The following SLC24A2 variants were observed in gnomAD, a reference collection of about 807,000 sequenced individuals.
SLC24A2 encodes sodium/potassium/calcium exchanger 2.
Under a neutral mutation model 62.0 loss-of-function variants are expected in SLC24A2, and 36 were observed. The ratio of observed to expected loss-of-function variants is 0.58; its 90% CI spans 0.44 to 0.77. SLC24A2 has a LOEUF of 0.77. Among genes scored for constraint, SLC24A2 ranks in the 30% least tolerant of loss-of-function variants. The probability of loss-of-function intolerance (pLI) is 0.00; values close to 1 mark genes in which losing one functional copy is unlikely to be tolerated. For missense variants in SLC24A2, 846 were observed against 817.9 expected (o/e 1.03, Z -0.42); for synonymous variants, 358 against 294.0 (o/e 1.22, Z -2.23).
the SLC24A2 span, among the ~76,000 whole-genome samples, chr9:20,076,839 G>GATATATATATACATATCATATGTATATAT: frequency 2.1e-5 from 3 of 142,550 alleles, no homozygotes; most frequent in Non-Finnish European, 3.0e-5. Flanking sequence ...AAGAAAATGT[G>GATATATATATACATATCATATGTATATAT]ATATATATAT....
At chr9:19,641,732 T>C (rs942159393) in intron 2 of SLC24A2, among the ~76,000 whole-genome samples, 4 of 152,160 alleles carry the variant, frequency 2.6e-5, no homozygotes, top group African/African-American at 9.6e-5. Context: ...ATACTTAACA[T>C]ATATGTGTTT....
Position 19,510,743 on chromosome 9 carries a change from G to T in SLC24A2, c.*5410C>A, listed in dbSNP as rs1220744486. 1 of 152,194 alleles carries T rather than the reference G, an allele frequency of 6.6e-6. No homozygotes were observed. The highest frequency in any genetic ancestry group is 1.5e-5 in the Non-Finnish European group (1 of 68,036). The allele number at this position is 152,194 out of a possible 1,614,324, so 9.4% of individuals were successfully genotyped here. On this transcript the variant is annotated 3_prime_UTR_variant, in exon 11 of 11. Transcript: ENST00000341998. ...TTCCAGTCTGTCAATGAATGATCTG[G>T]TAGAAGTGCTTTGGCTTAGATAATA...
the SLC24A2 span, among the ~76,000 whole-genome samples, chr9:19,835,604 T>C: frequency 6.6e-6 from 1 of 152,176 alleles, no homozygotes. Flanking sequence ...CAAAGAGACT[T>C]AGACTCCCAT....
chr9:20,096,085 A>ATCCGTCCG, the SLC24A2 span, among the ~76,000 whole-genome samples: 16 of 140,484 alleles, frequency 1.1e-4, no homozygotes, highest in East Asian at 3.9e-4. Context: ...CCATCCATCC[A>ATCCGTCCG]TCCGTCCGTC....
chr9:19,514,306 T>C lies in SLC24A2; in HGVS notation c.*1847A>G, dbSNP rs541947731. On this transcript the variant is annotated 3_prime_UTR_variant, in exon 11 of 11. Transcript: ENST00000341998. Reference sequence around the variant, plus strand: ...GAGGTATGTGCTCACAACAAAATCATAGCAGGCGTCAATGACAGAATAGAT... The same window carrying C: ...GAGGTATGTGCTCACAACAAAATCACAGCAGGCGTCAATGACAGAATAGAT... 1 of 152,294 alleles carries C rather than the reference T, an allele frequency of 6.6e-6. No individual in the cohort carries two copies. The highest frequency in any genetic ancestry group is 1.9e-4 in the East Asian group (1 of 5,182). 9.4% of individuals were successfully genotyped at this position (152,294 alleles called of 1,614,324 possible). A position where few individuals can be genotyped will look rare whatever the true frequency, so the allele number is the denominator to read the frequency against.
At chr9:19,547,058 C>A (rs1834615038) in intron 8 of SLC24A2, among the ~76,000 whole-genome samples, 2 of 151,874 alleles carry the variant, frequency 1.3e-5, no homozygotes, top group Non-Finnish European at 2.9e-5. Context: ...CATACTGGAG[C>A]TGTTCCTATT....
At chr9:19,883,076 G>C in the SLC24A2 span, among the ~76,000 whole-genome samples, 1 of 152,142 alleles carries the variant, frequency 6.6e-6, no homozygotes, top group South Asian at 2.1e-4. Flanking sequence ...TTAAACATTT[G>C]TGACTTAGAA....
At chr9:19,883,793 C>T in the SLC24A2 span, among the ~76,000 whole-genome samples, 1 of 152,128 alleles carries the variant, frequency 6.6e-6, no homozygotes, top group Non-Finnish European at 1.5e-5. Flanking sequence ...TCTTGATCTC[C>T]TGACCTCGTG....
At chr9:19,754,283 CT>C (rs1270153931) in intron 2 of SLC24A2, among the ~76,000 whole-genome samples, 5 of 152,176 alleles carry the variant, frequency 3.3e-5, no homozygotes, top group Non-Finnish European at 7.4e-5. Flanking sequence ...CAGTCTCTTC[CT>C]GAAGCCACCC....
chr9:20,238,255 T>C, the SLC24A2 span, among the ~76,000 whole-genome samples: 3 of 152,218 alleles, frequency 2.0e-5, no homozygotes, highest in Admixed American at 1.3e-4. Context: ...TTTCACATGT[T>C]ATGAATTTTA....
At chr9:19,877,106 C>T in the SLC24A2 span, among the ~76,000 whole-genome samples, 6 of 151,628 alleles carry the variant, frequency 4.0e-5, no homozygotes, top group Non-Finnish European at 7.4e-5. Flanking sequence ...ACGCCATTGT[C>T]TGAAAGAAGG....
the SLC24A2 span, among the ~76,000 whole-genome samples, chr9:20,295,869 C>T: frequency 7.4e-4 from 113 of 152,298 alleles, no homozygotes; most frequent in African/African-American, 2.6e-3. Context: ...GCCTCCATAA[C>T]TGCGTGAGAC....
intron 2 of SLC24A2, among the ~76,000 whole-genome samples, chr9:19,741,657 C>A (rs1203573767): frequency 1.3e-5 from 2 of 152,166 alleles, no homozygotes; most frequent in East Asian, 3.9e-4. Flanking sequence ...ACCTAGTTAA[C>A]AATTCATGTT....
At chr9:19,837,739 T>C in the SLC24A2 span, among the ~76,000 whole-genome samples, 1 of 152,124 alleles carries the variant, frequency 6.6e-6, no homozygotes, top group South Asian at 2.1e-4. Context: ...ACAAAATCAA[T>C]GTGCAAAAAT....
chr9:19,810,450 C>T, the SLC24A2 span, among the ~76,000 whole-genome samples: 1 of 152,208 alleles, frequency 6.6e-6, no homozygotes, highest in Admixed American at 6.5e-5. Flanking sequence ...TTAAGCCAAA[C>T]AGTTCGAGAC....
At chr9:19,778,604 T>C (rs1822915179) in intron 2 of SLC24A2, among the ~76,000 whole-genome samples, 1 of 152,170 alleles carries the variant, frequency 6.6e-6, no homozygotes, top group Admixed American at 6.5e-5. Context: ...TCATACGGGT[T>C]TGCAGTCTGA....
chr9:19,616,572 G>T (rs148460641), intron 4 of SLC24A2, among the ~76,000 whole-genome samples: 2 of 152,072 alleles, frequency 1.3e-5, no homozygotes, highest in African/African-American at 2.4e-5. Flanking sequence ...TTCTTCTCTC[G>T]CATGGTCAAT....
rs1477404235 is a variant in SLC24A2, at chr9:19,619,578, G to A, written c.1078+6C>T. On this transcript the variant is annotated splice_donor_region_variant and intron_variant, in intron 4 of 10. Coordinates refer to ENST00000341998, the MANE Select transcript of SLC24A2 (RefSeq NM_020344.4). ...ACAAGTTCCCAAACCAAAGCTTGATGTTTACCTTCGGCGAGTGGGTCAAGG... is the reference window on the plus strand; with the variant it reads ...ACAAGTTCCCAAACCAAAGCTTGATATTTACCTTCGGCGAGTGGGTCAAGG... The A allele has an allele frequency of 3.7e-6, 6 of 1,605,994 alleles. No homozygotes were observed. The highest frequency in any genetic ancestry group is 5.1e-6 in the Non-Finnish European group (6 of 1,172,618).
chr9:19,735,374 C>T (rs1182662), intron 2 of SLC24A2, among the ~76,000 whole-genome samples: 117,939 of 151,454 alleles, frequency 0.78, 46,972 homozygotes, highest in African/African-American at 0.94. Flanking sequence ...CTGGAGAGGA[C>T]GTGGAGAAAT....
Sources: allele counts gnomAD v4.1 joint callset (sites outside exome capture counted in the v4.1 genomes callset), GRCh38; gene constraint gnomAD v4.1.1; transcripts MANE v1.5; gene names NCBI Gene and HGNC (gene_info 2026-07-23, HGNC 2026-07-21).